The following ACY3 variants were observed in gnomAD, a reference collection of about 807,000 sequenced individuals.
The protein encoded by ACY3 is aminoacylase 3.
Under a neutral mutation model 24.6 loss-of-function variants are expected in ACY3, and 20 were observed. The ratio of observed to expected loss-of-function variants is 0.81; its 90% CI spans 0.57 to 1.18. ACY3 has a LOEUF of 1.18. ACY3 is among the 50% of genes most tolerant of loss of function. The pLI is 0.00. For missense variants in ACY3, 423 were observed against 426.8 expected (o/e 0.99, Z 0.08); for synonymous variants, 174 against 188.4 (o/e 0.92, Z 0.62).
At chr11:67,649,310 C>T in intron 1 of ACY3, among the ~76,000 whole-genome samples, 1 of 152,202 alleles carries the variant, frequency 6.6e-6, no homozygotes, top group Admixed American at 6.5e-5. Context: ...AAGGAAGGGC[C>T]TCCGTGGCAG....
chr11:67,647,152 A>G, intron 2 of ACY3, 89 bp from the exon 3 acceptor site: 2 of 974,518 alleles, frequency 2.1e-6, no homozygotes, highest in Non-Finnish European at 2.9e-6. Context: ...TCCACAGGGC[A>G]GCCACCTGTC....
At chr11:67,642,990 C>T (rs1372570372) in intron 7 of ACY3, 51 bp from the exon 8 acceptor site, 8 of 1,557,458 alleles carry the variant, frequency 5.1e-6, no homozygotes, top group East Asian at 2.3e-5. Flanking sequence ...CTGCCCTGGC[C>T]CCAGAGGGGG....
intron 1 of ACY3, among the ~76,000 whole-genome samples, chr11:67,649,233 T>C (rs776796877): frequency 6.6e-6 from 1 of 152,050 alleles, no homozygotes; most frequent in Non-Finnish European, 1.5e-5. Context: ...CCATGGTCTT[T>C]GTTGGAAGGC....
At chr11:67,646,773 A>G in intron 3 of ACY3, 35 bp downstream of exon 3, 1 of 1,598,154 alleles carries the variant, frequency 6.3e-7, no homozygotes, top group South Asian at 1.1e-5. Flanking sequence ...TCGGTGCCCA[A>G]CTGCCTGGGC....
intron 7 of ACY3, among the ~76,000 whole-genome samples, chr11:67,644,056 CTG>C (rs772551787): frequency 5.9e-5 from 9 of 152,214 alleles, no homozygotes; most frequent in Middle Eastern, 3.4e-3. Context: ...CCCAAATTGA[CTG>C]TTATGACTGA....
At chr11:67,650,024 TG>T (rs1855599073) in intron 1 of ACY3, among the ~76,000 whole-genome samples, 1 of 152,210 alleles carries the variant, frequency 6.6e-6, no homozygotes, top group Non-Finnish European at 1.5e-5. Flanking sequence ...GTGCCCTCTC[TG>T]GGCCTTGGCT....
intron 1 of ACY3, among the ~76,000 whole-genome samples, chr11:67,649,072 G>C (rs1460310910): frequency 1.3e-5 from 2 of 152,234 alleles, no homozygotes; most frequent in Non-Finnish European, 2.9e-5. Flanking sequence ...TGCAGGTGTG[G>C]ACTGAAGCTC....
chr11:67,649,775 G>A (rs1038239482), intron 1 of ACY3, among the ~76,000 whole-genome samples: 8 of 151,072 alleles, frequency 5.3e-5, no homozygotes, highest in Admixed American at 4.0e-4. Flanking sequence ...GCATGTGTGC[G>A]TGTGTACGTG....
Position 67,646,911 on chromosome 11 carries a change from TG to T in ACY3, c.132del (p.Ser45AlafsTer46), listed in dbSNP as rs1565239071. 6.2e-7 allele frequency: 1 copy of T among 1,610,984 alleles called. No individual in the cohort carries two copies. Among genetic ancestry groups the T allele is most frequent in the Admixed American group, 1.7e-5 (1 of 59,794 alleles). The stretch of plus-strand genomic sequence containing the variant: ...GCCAGCACAGGCACAGCGGAGAAGC[TG>T]GCTCTCTGCAGCTCTGCGGGGGCAT... ...WLHAPAELQR[A>X]SFSAVPVLAN... On this transcript the variant is annotated frameshift_variant, in exon 3 of 8. Transcript: ENST00000255082. LOFTEE classifies it high-confidence loss of function.
intron 1 of ACY3, among the ~76,000 whole-genome samples, chr11:67,649,194 G>A (rs575809290): frequency 6.6e-6 from 1 of 152,240 alleles, no homozygotes; most frequent in South Asian, 2.1e-4. Flanking sequence ...GGGTCTCAGG[G>A]ACCCCCATGC....
chr11:67,645,230 G>A (rs1425389446), intron 5 of ACY3, 57 bp downstream of exon 5: 2 of 1,606,962 alleles, frequency 1.2e-6, no homozygotes, highest in Non-Finnish European at 1.7e-6. Flanking sequence ...CTTGGTGACT[G>A]GACCCGCCCC....
chr11:67,648,212 G>T (rs1855553085), intron 1 of ACY3, among the ~76,000 whole-genome samples: 1 of 152,150 alleles, frequency 6.6e-6, no homozygotes, highest in Non-Finnish European at 1.5e-5. Flanking sequence ...TCAGAAAATT[G>T]TCTGCAGGCA....
chr11:67,646,735 G>T, intron 3 of ACY3, 73 bp downstream of exon 3: 1 of 1,417,002 alleles, frequency 7.1e-7, no homozygotes, highest in Non-Finnish European at 9.8e-7. Context: ...CCCTGCTGGT[G>T]GCGGGAGGGA....
chr11:67,644,918 G>C, intron 6 of ACY3, 49 bp from the exon 7 acceptor site: 1 of 1,591,632 alleles, frequency 6.3e-7, no homozygotes, highest in Non-Finnish European at 8.6e-7. Context: ...CCAGGCTAGG[G>C]GACAGACTGG....
chr11:67,646,757 G>A (rs1222652910), intron 3 of ACY3, 51 bp downstream of exon 3: 1 of 1,555,762 alleles, frequency 6.4e-7, no homozygotes, highest in Non-Finnish European at 8.8e-7. Flanking sequence ...GTTTTGTGGT[G>A]GGGACTCGGT....
Position 67,645,784 on chromosome 11 carries a change from C to G in ACY3, c.340G>C (p.Asp114His). The G allele has an allele frequency of 6.2e-7, 1 of 1,614,026 alleles. No homozygotes were observed. Among genetic ancestry groups the G allele is most frequent in the South Asian group, 1.1e-5 (1 of 91,076 alleles). ...ASGQAFDFVLDLHNTTANMGT... is the reference protein window; with the variant it reads ...ASGQAFDFVLHLHNTTANMGT... ...ATGTTGGCCGTGGTGTTGTGCAGGTCAAGGACAAAGTCAAAGGCCTGGCCC... is the reference window on the plus strand; with the variant it reads ...ATGTTGGCCGTGGTGTTGTGCAGGTGAAGGACAAAGTCAAAGGCCTGGCCC... The change falls in exon 4 of 8, where the codon GAC (aspartate) becomes CAC (histidine). Residue 114 changes from aspartate to histidine, a missense_variant. Coordinates refer to ENST00000255082, the MANE Select transcript of ACY3 (RefSeq NM_080658.2).
Position 67,642,844 on chromosome 11 carries a change from G to C in ACY3, c.840C>G (p.Pro280=). The C allele has an allele frequency of 6.2e-7, 1 of 1,614,102 alleles. No individual in the cohort carries two copies. Among genetic ancestry groups the C allele is most frequent in the Non-Finnish European group, 8.5e-7 (1 of 1,180,032 alleles). ...AGTAGGCAGCCTCGTTAATGAACACGGGGTACACCGTGGACTCTCCCTCAT... is the reference window on the plus strand; with the variant it reads ...AGTAGGCAGCCTCGTTAATGAACACCGGGTACACCGTGGACTCTCCCTCAT... ...LLYEGESTVY[P]VFINEAAYYE... The change falls in exon 8 of 8, where the codon CCC becomes CCG. Residue 280 remains proline (P), a synonymous_variant. Coordinates refer to ENST00000255082, the MANE Select transcript of ACY3 (RefSeq NM_080658.2).
Position 67,646,987 on chromosome 11 carries a change from G to GC in ACY3, c.56dup (p.Thr20HisfsTer49). 6.4e-7 allele frequency: 1 copy of GC among 1,567,028 alleles called. No homozygotes were observed. Among genetic ancestry groups the GC allele is most frequent in the Non-Finnish European group, 8.7e-7 (1 of 1,155,144 alleles). ...CGCCCGACATCTCGTTGCCATGCGT[G>GC]CCCCCAGTCACAGCCACGCGACGCA... On this transcript the variant is annotated frameshift_variant, in exon 3 of 8. Coordinates refer to ENST00000255082, the MANE Select transcript of ACY3 (RefSeq NM_080658.2). LOFTEE classifies it high-confidence loss of function.
rs1230951326 is a variant in ACY3, at chr11:67,644,832, T to A, written c.672A>T (p.Arg224Ser). The A allele has an allele frequency of 6.3e-7, 1 of 1,586,344 alleles. No individual in the cohort carries two copies. Among genetic ancestry groups the A allele is most frequent in the Admixed American group, 1.8e-5 (1 of 54,874 alleles). Residue 224 changes from arginine to serine, a missense_variant, in exon 7 of 8, where the codon AGA becomes AGT. Transcript: ENST00000255082. ...GGGGGAAGTCCACGACGCCCACGGG[T>A]CTATAGGCTTCCATCTCAAAGGCAG... Reference protein sequence around the residue: ...AFPAFEMEAYRPVGVVDFPRT... With the variant: ...AFPAFEMEAYSPVGVVDFPRT...
Sources: allele counts gnomAD v4.1 joint callset (sites outside exome capture counted in the v4.1 genomes callset), GRCh38; gene constraint gnomAD v4.1.1; transcripts MANE v1.5; gene names NCBI Gene and HGNC (gene_info 2026-07-23, HGNC 2026-07-21).